KHDRBS2: variants seen among roughly 807,000 people sequenced by gnomAD.
The protein encoded by KHDRBS2 is KH domain-containing, RNA-binding, signal transduction-associated protein 2.
Under a neutral mutation model 44.3 loss-of-function variants are expected in KHDRBS2, and 26 were observed. That is an observed-to-expected ratio of 0.59 (90% CI 0.43 to 0.81). KHDRBS2 has a LOEUF of 0.81. Among genes scored for constraint, KHDRBS2 ranks in the 40% least tolerant of loss-of-function variants. The pLI, the probability that KHDRBS2 is intolerant of heterozygous loss-of-function variation, is 0.00. For missense variants in KHDRBS2, 476 were observed against 433.1 expected, an observed-to-expected ratio of 1.10 and a Z score of -0.88; for synonymous variants, 194 against 151.1, an observed-to-expected ratio of 1.28 and a Z score of -2.08.
chr6:62,130,475 T>C (rs184269151), intron 2 of KHDRBS2, among the ~76,000 whole-genome samples: 1 of 152,298 alleles, frequency 6.6e-6, no homozygotes, highest in East Asian at 1.9e-4. Context: ...ACGTTTTTCA[T>C]TACAATTGTT....
At chr6:61,843,368 AT>A (rs1295180021) in intron 6 of KHDRBS2, among the ~76,000 whole-genome samples, 16 of 147,958 alleles carry the variant, frequency 1.1e-4, no homozygotes, top group South Asian at 1.1e-3. Context: ...TATTATTATT[AT>A]TATTATATTT....
rs775210632 is a variant in KHDRBS2, at chr6:62,177,183, A to G, written c.219+2T>C. On this transcript the variant is annotated splice_donor_variant, in intron 2 of 8. Transcript: ENST00000281156. LOFTEE classifies it high-confidence loss of function. ...ATGAGAACAAAGTATATATGGTAGT[A>G]CCTTTGGATACTGCTTGACAGGAAT... 3.9e-6 allele frequency: 6 copies of G among 1,548,666 alleles called. No homozygotes were observed. Among genetic ancestry groups the G allele is most frequent in the Non-Finnish European group, 5.3e-6 (6 of 1,127,196 alleles).
At position 61,681,886 on chromosome 6, in the gene KHDRBS2, T is replaced by C. The variant is rs142227787; in HGVS notation, c.953-826A>G. Among the ~76,000 whole-genome samples the C allele has an allele frequency of 3.0e-3, 461 of 152,020 alleles. 4 individuals carry two copies. The highest frequency in any genetic ancestry group is 0.011 in the African/African-American group (445 of 41,526). ...GCAATTCTTCTTTAAAATAACTCAA[T>C]GTTGGCTTTATGGTGACATTTTATG... On this transcript the variant is annotated intron_variant, in intron 8 of 8. Transcript: ENST00000281156.
chr6:62,164,061 G>GGC (rs575921286), intron 2 of KHDRBS2, among the ~76,000 whole-genome samples: 89 of 151,728 alleles, frequency 5.9e-4, no homozygotes, highest in Admixed American at 3.6e-3. Context: ...ATCTGAATGT[G>GGC]GTTTTTACAT....
At chr6:61,866,260 A>G (rs1002745416) in intron 6 of KHDRBS2, among the ~76,000 whole-genome samples, 1 of 152,176 alleles carries the variant, frequency 6.6e-6, no homozygotes, top group Non-Finnish European at 1.5e-5. Context: ...CATCCTGTGA[A>G]ATCTAGGTGG....
intron 2 of KHDRBS2, among the ~76,000 whole-genome samples, chr6:62,107,509 C>T (rs1803735140): frequency 6.6e-6 from 1 of 152,036 alleles, no homozygotes; most frequent in Admixed American, 6.6e-5. Flanking sequence ...GTGAAAATGG[C>T]CATACTGCCC....
chr6:62,028,035 T>TG (rs1470888279), intron 3 of KHDRBS2, among the ~76,000 whole-genome samples: 1 of 152,088 alleles, frequency 6.6e-6, no homozygotes, highest in Non-Finnish European at 1.5e-5. Flanking sequence ...GACTAGCCTC[T>TG]GAAGTGAGGG....
At chr6:61,593,917 G>A in the KHDRBS2 span, among the ~76,000 whole-genome samples, 1 of 152,088 alleles carries the variant, frequency 6.6e-6, no homozygotes, top group Admixed American at 6.5e-5. Flanking sequence ...ATAAAGTCAA[G>A]CTGAACACCT....
intron 6 of KHDRBS2, among the ~76,000 whole-genome samples, chr6:61,794,936 T>C (rs1743443): frequency 0.64 from 97,264 of 151,566 alleles, 31,919 homozygotes; most frequent in African/African-American, 0.79. Context: ...GTCAGGGGTT[T>C]GAGACCAACC....
At chr6:61,600,048 T>C in the KHDRBS2 span, among the ~76,000 whole-genome samples, 1 of 152,196 alleles carries the variant, frequency 6.6e-6, no homozygotes, top group Admixed American at 6.5e-5. Context: ...TTAAGGCTAG[T>C]CTGCATAAAT....
intron 1 of KHDRBS2, among the ~76,000 whole-genome samples, chr6:62,215,552 A>G (rs1045214546): frequency 6.6e-6 from 1 of 151,820 alleles, no homozygotes; most frequent in African/African-American, 2.4e-5. Flanking sequence ...GCCAGCCCCA[A>G]CCACAATAAA....
chr6:61,550,717 T>A, the KHDRBS2 span, among the ~76,000 whole-genome samples: 1 of 150,942 alleles, frequency 6.6e-6, no homozygotes, highest in Non-Finnish European at 1.5e-5. Flanking sequence ...CAGCACATAT[T>A]TTTTTTTTAC....
chr6:61,832,192 C>T lies in KHDRBS2; in HGVS notation c.810+62443G>A, dbSNP rs531278383. ...GAGGTTGCAGTGAGGCATGTTTGGCCTACTGCATTCCAGCCTGGGCAATAG... is the reference window on the plus strand; with the variant it reads ...GAGGTTGCAGTGAGGCATGTTTGGCTTACTGCATTCCAGCCTGGGCAATAG... On this transcript the variant is annotated intron_variant, in intron 6 of 8. Transcript: ENST00000281156. Among the ~76,000 whole-genome samples the T allele has an allele frequency of 1.2e-4, 18 of 152,224 alleles. No individual in the cohort carries two copies. The East Asian group carries it at 2.7e-3, about 23-fold the overall frequency.
At chr6:61,732,612 T>C (rs1454110222) in intron 7 of KHDRBS2, 70 bp downstream of exon 7, 1 of 874,200 alleles carries the variant, frequency 1.1e-6, no homozygotes, top group Non-Finnish European at 1.9e-6. Context: ...ATAATTGACA[T>C]TCAGATTCAA....
chr6:62,081,520 G>A (rs1263672341), intron 2 of KHDRBS2, among the ~76,000 whole-genome samples: 1 of 152,122 alleles, frequency 6.6e-6, no homozygotes, highest in African/African-American at 2.4e-5. Context: ...ATTTACTGAA[G>A]TTGCTTAAAT....
At chr6:61,952,330 G>A (rs2127384230) in intron 4 of KHDRBS2, among the ~76,000 whole-genome samples, 1 of 152,122 alleles carries the variant, frequency 6.6e-6, no homozygotes, top group South Asian at 2.1e-4. Context: ...TAGTGTCAAT[G>A]CACCACTGAC....
chr6:61,793,449 G>C (rs1159753599), intron 6 of KHDRBS2, among the ~76,000 whole-genome samples: 2 of 151,888 alleles, frequency 1.3e-5, no homozygotes, highest in African/African-American at 4.8e-5. Flanking sequence ...TGTAGATGCA[G>C]TAAAAGAATA....
At chr6:61,585,000 A>G in the KHDRBS2 span, among the ~76,000 whole-genome samples, 2 of 151,994 alleles carry the variant, frequency 1.3e-5, no homozygotes, top group African/African-American at 4.8e-5. Flanking sequence ...CCAAAATTGT[A>G]AATTTTCTTT....
chr6:62,134,373 C>A (rs1321921400), intron 2 of KHDRBS2, among the ~76,000 whole-genome samples: 1 of 152,160 alleles, frequency 6.6e-6, no homozygotes, highest in Non-Finnish European at 1.5e-5. Flanking sequence ...GGTTTGGGAA[C>A]CTCTGCCTAG....
Sources: allele counts gnomAD v4.1 joint callset (sites outside exome capture counted in the v4.1 genomes callset), GRCh38; gene constraint gnomAD v4.1.1; transcripts MANE v1.5; gene names NCBI Gene and HGNC (gene_info 2026-07-23, HGNC 2026-07-21).